The following KCNH5 variants were observed in gnomAD, a reference collection of about 807,000 sequenced individuals.
The protein encoded by KCNH5 is potassium voltage-gated channel subfamily H member 5, also known as voltage-gated delayed rectifier potassium channel KCNH5.
KCNH5 carries 46 observed loss-of-function variants against 96.1 expected under a neutral mutation model. The observed-to-expected ratio is 0.48, with a 90% CI of 0.38 to 0.61. KCNH5 has a LOEUF of 0.61. Ranked by LOEUF, KCNH5 falls within the 20% of genes least tolerant of loss-of-function variation. The pLI is 0.00. For synonymous variants in KCNH5, 439 were observed against 449.8 expected, an observed-to-expected ratio of 0.98 and a Z score of 0.30; for missense variants, 907 against 1,225.8, an observed-to-expected ratio of 0.74 and a Z score of 3.88.
At chr14:62,749,411 T>C (rs1327681357) in intron 10 of KCNH5, among the ~76,000 whole-genome samples, 1 of 152,190 alleles carries the variant, frequency 6.6e-6, no homozygotes, top group African/African-American at 2.4e-5. Context: ...ATTGGGGTAC[T>C]AAGGAGAACT....
At chr14:62,888,622 C>T (rs995990615) in intron 7 of KCNH5, among the ~76,000 whole-genome samples, 8 of 152,088 alleles carry the variant, frequency 5.3e-5, no homozygotes, top group African/African-American at 1.9e-4. Context: ...TAAGGTTCCA[C>T]TCAGATAACT....
At chr14:62,801,183 T>C (rs570240162) in intron 9 of KCNH5, among the ~76,000 whole-genome samples, 1 of 152,170 alleles carries the variant, frequency 6.6e-6, no homozygotes, top group East Asian at 1.9e-4. Context: ...GGATTTTGCT[T>C]TTGTAGTTTT....
intron 8 of KCNH5, among the ~76,000 whole-genome samples, chr14:62,805,945 C>G (rs1041436233): frequency 3.0e-4 from 46 of 152,094 alleles, no homozygotes; most frequent in African/African-American, 1.0e-3. Flanking sequence ...CTGAAAGCTA[C>G]TGGGCTGCAT....
chr14:63,029,344 G>T (rs1426157066), intron 1 of KCNH5, among the ~76,000 whole-genome samples: 3 of 152,088 alleles, frequency 2.0e-5, no homozygotes, highest in Non-Finnish European at 4.4e-5. Flanking sequence ...TAGGCTACTG[G>T]TTGCCTGATA....
chr14:62,983,487 T>C (rs1413436457), intron 5 of KCNH5, among the ~76,000 whole-genome samples: 2 of 152,182 alleles, frequency 1.3e-5, no homozygotes, highest in African/African-American at 2.4e-5. Context: ...TTTTTGTTTT[T>C]ACCTAAAATT....
intron 10 of KCNH5, among the ~76,000 whole-genome samples, chr14:62,735,086 C>T (rs1235698333): frequency 6.6e-6 from 1 of 152,080 alleles, no homozygotes; most frequent in Non-Finnish European, 1.5e-5. Flanking sequence ...TATCTGTCTC[C>T]ATGTGTTAGA....
intron 7 of KCNH5, among the ~76,000 whole-genome samples, chr14:62,911,721 G>T (rs1471319145): frequency 1.3e-5 from 2 of 150,618 alleles, no homozygotes; most frequent in Admixed American, 1.3e-4. Context: ...CTTTTAACTA[G>T]CTTTTTTTTT....
chr14:62,887,314 T>TCC (rs1244258534), intron 7 of KCNH5, among the ~76,000 whole-genome samples: 1 of 152,146 alleles, frequency 6.6e-6, no homozygotes, highest in African/African-American at 2.4e-5. Flanking sequence ...AGTTAGATAT[T>TCC]CTGGTAGTGC....
At chr14:62,833,652 A>T (rs926340221) in intron 8 of KCNH5, among the ~76,000 whole-genome samples, 1 of 152,026 alleles carries the variant, frequency 6.6e-6, no homozygotes, top group African/African-American at 2.4e-5. Flanking sequence ...CTCTTATTTT[A>T]AAATGCCACT....
intron 6 of KCNH5, among the ~76,000 whole-genome samples, chr14:62,975,723 C>A (rs2139562166): frequency 6.6e-6 from 1 of 152,034 alleles, no homozygotes; most frequent in African/African-American, 2.4e-5. Context: ...AAAGTTCAAT[C>A]AATCCAAAAC....
chr14:62,913,404 T>A (rs1180890158), intron 7 of KCNH5, among the ~76,000 whole-genome samples: 1 of 152,168 alleles, frequency 6.6e-6, no homozygotes, highest in South Asian at 2.1e-4. Context: ...ATTTTTGTAT[T>A]TTTAGTAGAG....
chr14:62,864,039 T>C (rs547154834), intron 7 of KCNH5, among the ~76,000 whole-genome samples: 17 of 152,178 alleles, frequency 1.1e-4, no homozygotes, highest in Non-Finnish European at 2.1e-4. Context: ...TCCTTACTTC[T>C]ATTCTCTGTT....
intron 10 of KCNH5, among the ~76,000 whole-genome samples, chr14:62,715,691 G>A (rs1331676217): frequency 6.6e-6 from 1 of 152,000 alleles, no homozygotes; most frequent in Non-Finnish European, 1.5e-5. Context: ...AGCTCTCCGA[G>A]GGCACAAAAT....
At chr14:62,723,943 T>C (rs1294099301) in intron 10 of KCNH5, among the ~76,000 whole-genome samples, 1 of 152,220 alleles carries the variant, frequency 6.6e-6, no homozygotes, top group African/African-American at 2.4e-5. Flanking sequence ...GCCTTTTATT[T>C]GCCATCTAGA....
chr14:62,784,084 G>A (rs969004466), intron 9 of KCNH5, among the ~76,000 whole-genome samples: 4 of 152,244 alleles, frequency 2.6e-5, no homozygotes, highest in South Asian at 4.1e-4. Context: ...AAAGAAAAGA[G>A]GTTTAATTGA....
chr14:63,036,857 T>A (rs1335357321), intron 1 of KCNH5, among the ~76,000 whole-genome samples: 1 of 151,794 alleles, frequency 6.6e-6, no homozygotes, highest in South Asian at 2.1e-4. Context: ...GTGGAGAGGG[T>A]AGGGGAATAT....
chr14:62,707,479 A>G lies in KCNH5; in HGVS notation c.*29T>C. Reference sequence around the variant, plus strand: ...ACACACATATGTATATACTGTTTTAATATATTAACAAATATATATGTATAT... The same window carrying G: ...ACACACATATGTATATACTGTTTTAGTATATTAACAAATATATATGTATAT... On this transcript the variant is annotated 3_prime_UTR_variant, in exon 11 of 11. Transcript: ENST00000322893. 1 of 1,151,616 alleles carries G rather than the reference A, an allele frequency of 8.7e-7. No individual in the cohort carries two copies. The highest frequency in any genetic ancestry group is 2.9e-5 in the East Asian group (1 of 34,920). The allele number at this position is 1,151,616 out of a possible 1,614,324, so 71.3% of individuals were successfully genotyped here.
At position 63,045,232 on chromosome 14, in the gene KCNH5, G is replaced by C; in HGVS notation, c.-46C>G. 2.1e-6 allele frequency: 3 copies of C among 1,429,374 alleles called. No homozygotes were observed. The highest frequency in any genetic ancestry group is 3.0e-6 in the Non-Finnish European group (3 of 1,016,388). The allele number at this position is 1,429,374 out of a possible 1,614,324, so 88.5% of individuals were successfully genotyped here. ...GCCAGGATCCGCGGCGGGGGAGGGG[G>C]GGATGCAGGCAAAGAAGGTGGAGGA... On this transcript the variant is annotated 5_prime_UTR_variant, in exon 1 of 11. Coordinates refer to ENST00000322893, the MANE Select transcript of KCNH5 (RefSeq NM_139318.5).
intron 8 of KCNH5, among the ~76,000 whole-genome samples, chr14:62,830,799 G>C (rs938943064): frequency 6.6e-6 from 1 of 151,988 alleles, no homozygotes; most frequent in African/African-American, 2.4e-5. Context: ...TGCAAGGGAA[G>C]ATATTTTTTC....
Sources: allele counts gnomAD v4.1 joint callset (sites outside exome capture counted in the v4.1 genomes callset), GRCh38; gene constraint gnomAD v4.1.1; transcripts MANE v1.5; gene names NCBI Gene and HGNC (gene_info 2026-07-23, HGNC 2026-07-21).